Variants in CFAP77 observed in about 807,000 individuals in gnomAD.
CFAP77 encodes the protein cilia and flagella associated protein 77.
CFAP77 carries 25 observed loss-of-function variants against 31.1 expected under a neutral mutation model. That is an observed-to-expected ratio of 0.80 (90% CI 0.59 to 1.12). CFAP77 has a LOEUF of 1.12. CFAP77 is among the 50% of genes most tolerant of loss of function. CFAP77 has a pLI of 0.00. For missense variants in CFAP77, 377 were observed against 397.3 expected (o/e 0.95, Z 0.44); for synonymous variants, 151 against 159.9 (o/e 0.94, Z 0.42).
chr9:132,516,327 A>G (rs933565013), intron 3 of CFAP77, among the ~76,000 whole-genome samples: 2 of 152,188 alleles, frequency 1.3e-5, no homozygotes, highest in South Asian at 2.1e-4. Flanking sequence ...TAGTCACCCA[A>G]CGCTGATCCT....
At chr9:132,513,522 G>A (rs186255974) in intron 3 of CFAP77, 14 of 710,294 alleles carry the variant, frequency 2.0e-5, no homozygotes, top group Middle Eastern at 2.9e-4. Flanking sequence ...TTGCTCTGTC[G>A]TTAGCGATCC....
chr9:132,530,276 CTT>C lies in CFAP77; in HGVS notation c.525-7313_525-7312del, dbSNP rs770618011. On this transcript the variant is annotated intron_variant, in intron 3 of 5. Coordinates refer to ENST00000393216, the MANE Select transcript of CFAP77 (RefSeq NM_001282957.2). ...CACCGGGCTAGGCTTTGCCAATTTT[CTT>C]TTTTTTTTTTTGAGACGGAGTCTCT... Among the ~76,000 whole-genome samples, 11 of 138,598 alleles carry C rather than the reference CTT, an allele frequency of 7.9e-5. No individual in the cohort carries two copies. In the East Asian group the frequency reaches 1.3e-3, roughly 16 times the overall value. The allele number at this position is 138,598 out of a possible 152,430, so 90.9% of individuals were successfully genotyped here. A position where few individuals can be genotyped will look rare whatever the true frequency, so the allele number is the denominator to read the frequency against.
intron 4 of CFAP77, among the ~76,000 whole-genome samples, chr9:132,540,376 T>A (rs942726021): frequency 6.6e-6 from 1 of 152,210 alleles, no homozygotes; most frequent in Non-Finnish European, 1.5e-5. Flanking sequence ...GTACCAGCTC[T>A]GCATGTGTGG....
chr9:132,444,973 TC>T (rs1244580268), intron 1 of CFAP77, among the ~76,000 whole-genome samples: 2 of 144,204 alleles, frequency 1.4e-5, no homozygotes, highest in Admixed American at 7.3e-5. Flanking sequence ...TTTCTTTCTT[TC>T]TTTTTTTTTT....
At chr9:132,563,737 G>A (rs969049544) in intron 5 of CFAP77, among the ~76,000 whole-genome samples, 4 of 152,312 alleles carry the variant, frequency 2.6e-5, no homozygotes, top group East Asian at 3.9e-4. Flanking sequence ...GAACACACTC[G>A]CTGGTAGTGC....
At position 132,545,474 on chromosome 9, in the gene CFAP77, T is replaced by C. The variant is rs1448938506; in HGVS notation, c.732+2427T>C. Among the ~76,000 whole-genome samples the C allele has an allele frequency of 6.6e-6, 1 of 152,162 alleles. No individual in the cohort carries two copies. The highest frequency in any genetic ancestry group is 1.5e-5 in the Non-Finnish European group (1 of 68,034). ...AAATCAACATGCAAGCCACAGCATA[T>C]ACTGAGTGTTCGCCTCCTTTCCGAG... On this transcript the variant is annotated intron_variant, in intron 5 of 5. Transcript: ENST00000393216. The surrounding 1 kb of genome is among the most constrained non-coding windows in gnomAD (Gnocchi z 4.6).
At chr9:132,522,701 C>T (rs944805) in intron 3 of CFAP77, among the ~76,000 whole-genome samples, 68,015 of 152,122 alleles carry the variant, frequency 0.45, 15,797 homozygotes, top group East Asian at 0.77. Context: ...TGCTAGATGT[C>T]CCCAGTGCAT....
At chr9:132,502,555 C>CATG (rs1851869078) in intron 3 of CFAP77, among the ~76,000 whole-genome samples, 1 of 152,168 alleles carries the variant, frequency 6.6e-6, no homozygotes, top group East Asian at 1.9e-4. Context: ...CTCTAGAGAT[C>CATG]TCATATGCAC....
intron 1 of CFAP77, among the ~76,000 whole-genome samples, chr9:132,411,235 T>C (rs1564194893): frequency 2.0e-5 from 3 of 152,148 alleles, no homozygotes. Flanking sequence ...GGCGAATTTA[T>C]CTTGCGCCGC....
At chr9:132,482,037 AAAATGAAAACAT>A (rs1851455985) in intron 1 of CFAP77, among the ~76,000 whole-genome samples, 1 of 150,410 alleles carries the variant, frequency 6.6e-6, no homozygotes, top group African/African-American at 2.5e-5. Context: ...ATCTATAAAG[AAAATGAAAACAT>A]AAATAGAGTA....
chr9:132,562,066 C>T (rs559479909), intron 5 of CFAP77, among the ~76,000 whole-genome samples: 10 of 152,372 alleles, frequency 6.6e-5, no homozygotes, highest in Non-Finnish European at 1.2e-4. Flanking sequence ...CGGGAAGTCA[C>T]ATACGTAAGC....
chr9:132,526,299 G>A (rs1359929592), intron 3 of CFAP77, among the ~76,000 whole-genome samples: 11 of 151,678 alleles, frequency 7.3e-5, no homozygotes, highest in African/African-American at 2.4e-4. Context: ...GTGCGATCTC[G>A]GCTCACTGCA....
chr9:132,529,524 A>AAAC (rs1302731761), intron 3 of CFAP77, among the ~76,000 whole-genome samples: 3 of 150,830 alleles, frequency 2.0e-5, no homozygotes, highest in Admixed American at 1.3e-4. Context: ...AAAAAACAAA[A>AAAC]AAAAAACTAA....
At chr9:132,466,746 C>T (rs1322930014) in intron 1 of CFAP77, among the ~76,000 whole-genome samples, 1 of 152,238 alleles carries the variant, frequency 6.6e-6, no homozygotes, top group Non-Finnish European at 1.5e-5. Flanking sequence ...ATCCCAAGGA[C>T]TTGCCCAGTA....
At position 132,552,640 on chromosome 9, in the gene CFAP77, G is replaced by A. The variant is rs1852840043; in HGVS notation, c.732+9593G>A. On this transcript the variant is annotated intron_variant, in intron 5 of 5. Transcript: ENST00000393216. This position sits in a 1 kb window ranked among gnomAD's most constrained non-coding sequence, Gnocchi z 5.5. ...GAACCTGGGAGGTTGAGGTTGCTGTGAGCCGAGATCACGCCACTGCACTCC... is the reference window on the plus strand; with the variant it reads ...GAACCTGGGAGGTTGAGGTTGCTGTAAGCCGAGATCACGCCACTGCACTCC... 6.6e-6 allele frequency among the ~76,000 whole-genome samples: 1 copy of A among 150,408 alleles called. No homozygotes were observed. Among genetic ancestry groups the A allele is most frequent in the Non-Finnish European group, 1.5e-5 (1 of 67,812 alleles).
chr9:132,496,681 G>A lies in CFAP77; in HGVS notation c.196-2014G>A, dbSNP rs560877343. Among the ~76,000 whole-genome samples, 7 of 152,358 alleles carry A rather than the reference G, an allele frequency of 4.6e-5. No individual in the cohort carries two copies. The East Asian group carries it at 1.3e-3, about 29-fold the overall frequency. ...GGTACAACCCTGTCATTTTGTAAGTGCTGGGAAGGCAGGCTGAGGCTGCTG... is the reference window on the plus strand; with the variant it reads ...GGTACAACCCTGTCATTTTGTAAGTACTGGGAAGGCAGGCTGAGGCTGCTG... On this transcript the variant is annotated intron_variant, in intron 1 of 5. Transcript: ENST00000393216.
In CFAP77 at chr9:132,470,341, C is replaced by T. The variant is rs79142089; in HGVS notation, c.196-28354C>T. ...TACAGATGAGGGAGCTGAGGCTCAG[C>T]AGGTTGCGCCTTAGTAGAGGCCTCC... On this transcript the variant is annotated intron_variant, in intron 1 of 5. Transcript: ENST00000393216. Among the ~76,000 whole-genome samples the T allele has an allele frequency of 6.0e-3, 919 of 152,290 alleles. 16 individuals carry two copies. In the East Asian group the frequency reaches 0.066, roughly 11 times the overall value.
chr9:132,492,274 C>A (rs73556743), intron 1 of CFAP77, among the ~76,000 whole-genome samples: 10,657 of 152,170 alleles, frequency 0.07, 492 homozygotes, highest in African/African-American at 0.13. Flanking sequence ...GGCAATGGAG[C>A]AAGACCCTGT....
At chr9:132,519,024 G>A (rs2119011615) in intron 3 of CFAP77, among the ~76,000 whole-genome samples, 1 of 152,294 alleles carries the variant, frequency 6.6e-6, no homozygotes. Context: ...GTTGTCCCAA[G>A]GATTGAGGAG....
Sources: allele counts gnomAD v4.1 joint callset (sites outside exome capture counted in the v4.1 genomes callset), GRCh38; gene constraint gnomAD v4.1.1; non-coding constraint Gnocchi (gnomAD v3.1); transcripts MANE v1.5; gene names NCBI Gene and HGNC (gene_info 2026-07-23, HGNC 2026-07-21).